The following GPC6 variants were observed in gnomAD, a reference collection of about 807,000 sequenced individuals.
GPC6 encodes the protein glypican-6.
A neutral mutation model predicts 55.2 loss-of-function variants in GPC6; 14 were observed. The observed-to-expected ratio is 0.25, with a 90% CI of 0.17 to 0.40. The LOEUF is 0.40. Ranked by LOEUF, GPC6 falls within the 10% of genes least tolerant of loss-of-function variation. GPC6 has a pLI of 1.00. For synonymous variants in GPC6, 278 were observed against 259.6 expected, an observed-to-expected ratio of 1.07 and a Z score of -0.68; for missense variants, 641 against 708.5, an observed-to-expected ratio of 0.90 and a Z score of 1.08.
chr13:93,226,540 C>A (rs1875788920), upstream of GPC6: 1 of 152,146 alleles, frequency 6.6e-6, no homozygotes, highest in Admixed American at 6.5e-5. Context: ...TTAAGAGCAA[C>A]AATTGGAACT....
chr13:94,006,413 C>T (rs1882022665), intron 3 of GPC6, among the ~76,000 whole-genome samples: 1 of 152,180 alleles, frequency 6.6e-6, no homozygotes, highest in South Asian at 2.1e-4. Flanking sequence ...GAGGCTTATA[C>T]AGCTTCAGGA....
chr13:93,347,086 T>C (rs1006234649), intron 1 of GPC6, among the ~76,000 whole-genome samples: 1 of 152,162 alleles, frequency 6.6e-6, no homozygotes, highest in Admixed American at 6.5e-5. Context: ...TTTATTGATG[T>C]TCTTTTTGAA....
chr13:93,536,647 A>G (rs1882075507), intron 1 of GPC6, among the ~76,000 whole-genome samples: 1 of 152,162 alleles, frequency 6.6e-6, no homozygotes, highest in Non-Finnish European at 1.5e-5. Flanking sequence ...GGTTGTTTCA[A>G]CCTTTTGGTT....
chr13:93,589,034 C>T (rs753994150), intron 2 of GPC6, among the ~76,000 whole-genome samples: 25 of 152,064 alleles, frequency 1.6e-4, no homozygotes, highest in Non-Finnish European at 2.5e-4. Context: ...AAAATCAAAA[C>T]CCTTAAAATA....
chr13:93,689,884 G>C (rs1882192665), intron 2 of GPC6, among the ~76,000 whole-genome samples: 1 of 152,068 alleles, frequency 6.6e-6, no homozygotes, highest in Non-Finnish European at 1.5e-5. Flanking sequence ...AATCAGTCCA[G>C]TGTCTTAGAT....
At chr13:93,709,389 TTGGTAATA>T (rs1292380507) in intron 2 of GPC6, among the ~76,000 whole-genome samples, 2 of 151,944 alleles carry the variant, frequency 1.3e-5, no homozygotes, top group Non-Finnish European at 2.9e-5. Flanking sequence ...TAACACCCTC[TTGGTAATA>T]ACCTTACATA....
At chr13:94,023,433 A>G in intron 3 of GPC6, among the ~76,000 whole-genome samples, 1 of 152,046 alleles carries the variant, frequency 6.6e-6, no homozygotes, top group East Asian at 1.9e-4. Flanking sequence ...ACTTAAAAGT[A>G]CATGATACAC....
At chr13:94,106,664 T>C (rs187840592) in intron 4 of GPC6, among the ~76,000 whole-genome samples, 32 of 152,070 alleles carry the variant, frequency 2.1e-4, no homozygotes, top group Non-Finnish European at 3.5e-4. Context: ...GAGAAGATCG[T>C]TTTGAGGATG....
chr13:94,308,360 T>C (rs1443449530), intron 6 of GPC6, among the ~76,000 whole-genome samples: 9 of 152,330 alleles, frequency 5.9e-5, no homozygotes, highest in Admixed American at 5.9e-4. Context: ...GAACCTTTTA[T>C]AAAGGAACTT....
chr13:93,979,440 C>G (rs926699657), intron 3 of GPC6, among the ~76,000 whole-genome samples: 13 of 151,426 alleles, frequency 8.6e-5, no homozygotes, highest in Non-Finnish European at 1.5e-4. Context: ...CATTTTTCCA[C>G]TTTCCTGATG....
rs962750240 is a variant in GPC6, at chr13:94,362,975, C to T, written c.1153-19439C>T. 9.2e-5 allele frequency among the ~76,000 whole-genome samples: 14 copies of T among 152,224 alleles called. No homozygotes were observed. In the East Asian group the frequency reaches 2.7e-3, roughly 29 times the overall value. Reference sequence around the variant, plus strand: ...TGCCATGGTGGTTTGCTGCACCTATCAGCCCATCATCTACGTTTTAAGCCC... The same window carrying T: ...TGCCATGGTGGTTTGCTGCACCTATTAGCCCATCATCTACGTTTTAAGCCC... On this transcript the variant is annotated intron_variant, in intron 6 of 8. Transcript: ENST00000377047.
chr13:93,840,580 G>T (rs927954102), intron 3 of GPC6, among the ~76,000 whole-genome samples: 4 of 152,026 alleles, frequency 2.6e-5, no homozygotes, highest in African/African-American at 7.2e-5. Flanking sequence ...CCTTTCCTGT[G>T]TTCAGCTCCT....
At chr13:93,848,249 C>T (rs9301914) in intron 3 of GPC6, among the ~76,000 whole-genome samples, 49,668 of 151,962 alleles carry the variant, frequency 0.33, 8,283 homozygotes, top group African/African-American at 0.36. Flanking sequence ...CCAGCATCTA[C>T]GGTTTGTGCT....
chr13:93,673,212 A>G (rs907850236), intron 2 of GPC6, among the ~76,000 whole-genome samples: 1 of 152,166 alleles, frequency 6.6e-6, no homozygotes, highest in African/African-American at 2.4e-5. Flanking sequence ...ACCAGGAGGC[A>G]GACCTCAGGG....
chr13:94,383,660 G>A (rs1031514258), intron 7 of GPC6, among the ~76,000 whole-genome samples: 27 of 152,196 alleles, frequency 1.8e-4, no homozygotes, highest in Non-Finnish European at 2.4e-4. Context: ...GTGCAAGGGA[G>A]GTGCACGTTA....
intron 3 of GPC6, among the ~76,000 whole-genome samples, chr13:93,847,251 A>G (rs931759844): frequency 1.3e-5 from 2 of 152,082 alleles, no homozygotes; most frequent in Non-Finnish European, 2.9e-5. Context: ...GAAGTGGAGG[A>G]GACGCATTAA....
chr13:93,998,613 G>A (rs1308274566), intron 3 of GPC6, among the ~76,000 whole-genome samples: 1 of 152,016 alleles, frequency 6.6e-6, no homozygotes, highest in Non-Finnish European at 1.5e-5. Context: ...TTTGTTGTAA[G>A]TCAATGAAAT....
chr13:94,040,390 G>T (rs982268813), intron 4 of GPC6, among the ~76,000 whole-genome samples: 14 of 151,920 alleles, frequency 9.2e-5, no homozygotes, highest in East Asian at 3.9e-4. Flanking sequence ...TATACATGAT[G>T]CAGCTTCTGC....
At chr13:93,509,907 G>A (rs1350974298) in intron 1 of GPC6, among the ~76,000 whole-genome samples, 1 of 152,106 alleles carries the variant, frequency 6.6e-6, no homozygotes, top group Non-Finnish European at 1.5e-5. Flanking sequence ...ATTCTTAGGC[G>A]CCTGTGCAGA....
Sources: allele counts gnomAD v4.1 joint callset (sites outside exome capture counted in the v4.1 genomes callset), GRCh38; gene constraint gnomAD v4.1.1; transcripts MANE v1.5; gene names NCBI Gene and HGNC (gene_info 2026-07-23, HGNC 2026-07-21).